The following AURKB variants were observed in gnomAD, a reference collection of about 807,000 sequenced individuals.
AURKB encodes the protein aurora kinase B.
Under a neutral mutation model 36.5 loss-of-function variants are expected in AURKB, and 28 were observed. The ratio of observed to expected loss-of-function variants is 0.77; its 90% confidence interval spans 0.57 to 1.05. The LOEUF is 1.05. AURKB is among the 50% of genes least tolerant of loss of function. AURKB has a pLI of 0.00. For synonymous variants in AURKB, 175 were observed against 172.9 expected (o/e 1.01, Z -0.09); for missense variants, 383 against 447.4 (o/e 0.86, Z 1.30).
chr17:8,208,582 C>T (rs1446128936), intron 2 of AURKB, among the ~76,000 whole-genome samples: 1 of 143,416 alleles, frequency 7.0e-6, no homozygotes, highest in Non-Finnish European at 1.5e-5. Flanking sequence ...CACAGTGAGG[C>T]TCCGTCTCAA....
Position 8,206,647 on chromosome 17 carries a change from G to C in AURKB, c.538-8C>G, listed in dbSNP as rs144397670. On this transcript the variant is annotated splice_region_variant and splice_polypyrimidine_tract_variant and intron_variant, in intron 6 of 8. Coordinates refer to ENST00000585124, the MANE Select transcript of AURKB (RefSeq NM_004217.4). This position sits in a 1 kb window ranked among gnomAD's most constrained non-coding sequence, Gnocchi z 4.2. The stretch of plus-strand genomic sequence containing the variant: ...TGCCAACTCCTCCATGATCTGGGAG[G>C]GGCAACGACAGGCAATCAGACAAGG... 6.2e-7 allele frequency: 1 copy of C among 1,613,990 alleles called. No individual in the cohort carries two copies. The highest frequency in any genetic ancestry group is 8.5e-7 in the Non-Finnish European group (1 of 1,180,036).
intron 7 of AURKB, among the ~76,000 whole-genome samples, chr17:8,205,617 T>G (rs1985151452): frequency 6.6e-6 from 1 of 152,150 alleles, no homozygotes; most frequent in South Asian, 2.1e-4. Context: ...TATATCTTAA[T>G]AAGATACCCT....
In AURKB at chr17:8,207,297, A is replaced by G; in HGVS notation, c.277T>C (p.Leu93=). The G allele has an allele frequency of 6.2e-7, 1 of 1,614,184 alleles. No individual in the cohort carries two copies. The highest frequency in any genetic ancestry group is 8.5e-7 in the Non-Finnish European group (1 of 1,180,034). ...LGKGKFGNVY[L]AREKKSHFIV... ...AAATGGCTTTTCTTCTCCCGAGCCA[A>G]GTACACGTTTCCAAACTTGCCTTTG... Residue 93 remains leucine (L), a synonymous_variant, in exon 5 of 9, where the codon TTG becomes CTG. Transcript: ENST00000585124.
rs1376766144 is a variant in AURKB at position 8,207,207 on chromosome 17, G to A, written c.367C>T (p.Arg123Cys). 3.7e-6 allele frequency: 6 copies of A among 1,614,064 alleles called. No homozygotes were observed. Among genetic ancestry groups the A allele is most frequent in the Non-Finnish European group, 2.5e-6 (3 of 1,179,964 alleles). Residue 123 changes from arginine to cysteine, a missense_variant, in exon 5 of 9, where the codon CGC becomes TGC. Physicochemically the swap from Arg to Cys is radical, Grantham distance 180. Transcript: ENST00000585124. ...IEKEGVEHQL[R>C]REIEIQAHLH... ...TGGGCCTGGATTTCGATCTCTCTGC[G>A]CAGCTGATGCTCCACGCCCTCCTTC... is the stretch of plus-strand genomic sequence containing the variant.
intron 8 of AURKB, 23 bp from the exon 9 acceptor site, chr17:8,205,067 G>A (rs2151465780): frequency 6.4e-7 from 1 of 1,569,888 alleles, no homozygotes; most frequent in Non-Finnish European, 8.6e-7. Flanking sequence ...AGAGATGGAA[G>A]GGCTGCATTA....
Position 8,206,742 on chromosome 17 carries a change from G to A in AURKB, c.537+8C>T, listed in dbSNP as rs771962527. ...CTACTGGCGCCCCAGGTGCCCACCC[G>A]CCCGGACCGTGGCTGTTCGCTGCTC... On this transcript the variant is annotated splice_region_variant and intron_variant, in intron 6 of 8. Coordinates refer to ENST00000585124, the MANE Select transcript of AURKB (RefSeq NM_004217.4). This position sits in a 1 kb window ranked among gnomAD's most constrained non-coding sequence, Gnocchi z 4.2. 16 of 1,613,108 alleles carry A rather than the reference G, an allele frequency of 9.9e-6. No individual in the cohort carries two copies. Among genetic ancestry groups the A allele is most frequent in the Non-Finnish European group, 1.4e-5 (16 of 1,179,452 alleles).
At chr17:8,208,879 T>G (rs780626851) in intron 2 of AURKB, among the ~76,000 whole-genome samples, 10 of 152,210 alleles carry the variant, frequency 6.6e-5, no homozygotes, top group Non-Finnish European at 1.0e-4. Context: ...CCTAAAAAGC[T>G]TAGTTTATTA....
At chr17:8,208,632 A>T (rs139696473) in intron 2 of AURKB, among the ~76,000 whole-genome samples, 61 of 137,918 alleles carry the variant, frequency 4.4e-4, no homozygotes, top group Non-Finnish European at 6.5e-4. Context: ...AAATAAATAA[A>T]AAATAAATAA....
At chr17:8,210,134 A>C (rs775440600) in intron 2 of AURKB, 43 bp downstream of exon 2, 1 of 1,609,920 alleles carries the variant, frequency 6.2e-7, no homozygotes, top group Non-Finnish European at 8.5e-7. Flanking sequence ...GGAACTCGCC[A>C]TGCGGGGTCA....
chr17:8,206,358 T>G lies in AURKB; in HGVS notation c.686+133A>C. 9.1e-7 allele frequency: 1 copy of G among 1,093,482 alleles called. No homozygotes were observed. Among genetic ancestry groups the G allele is most frequent in the Non-Finnish European group, 1.3e-6 (1 of 778,350 alleles). The allele number at this position is 1,093,482 out of a possible 1,614,324, so 67.7% of individuals were successfully genotyped here. Reference sequence around the variant, plus strand: ...GTTGGCAAATCTAGTCTCGAACTCCTGACCTCAGGTGATCCGCCCTCCTCG... The same window carrying G: ...GTTGGCAAATCTAGTCTCGAACTCCGGACCTCAGGTGATCCGCCCTCCTCG... On this transcript the variant is annotated intron_variant, in intron 7 of 8. Coordinates refer to ENST00000585124, the MANE Select transcript of AURKB (RefSeq NM_004217.4). This position sits in a 1 kb window ranked among gnomAD's most constrained non-coding sequence, Gnocchi z 4.2.
rs1016182187 is a variant in AURKB at position 8,204,800 on chromosome 17, A to C, written c.*71T>G. 2.8e-5 allele frequency: 43 copies of C among 1,556,582 alleles called. No homozygotes were observed. The South Asian group carries it at 4.1e-4, about 15-fold the overall frequency. ...GTAGAAAACAGATAAGGGAACAGTT[A>C]GGGATCCCTTCTTTCCCCTATACAT... On this transcript the variant is annotated 3_prime_UTR_variant, in exon 9 of 9. Transcript: ENST00000585124.
intron 4 of AURKB, 61 bp downstream of exon 4, chr17:8,207,510 C>T (rs553401852): frequency 2.7e-5 from 43 of 1,591,764 alleles, no homozygotes; most frequent in East Asian, 2.5e-4. Flanking sequence ...TTTATCTCCC[C>T]GACTTCCTGC....
chr17:8,210,177 C>G lies in AURKB; in HGVS notation c.48G>C (p.Thr16=). 2 of 1,612,650 alleles carry G rather than the reference C, an allele frequency of 1.2e-6. No homozygotes were observed. The highest frequency in any genetic ancestry group is 1.7e-6 in the Non-Finnish European group (2 of 1,179,716). ...GCAGGGACGGAGGGAAGGGCCTTAC[C>G]GTCTGTCGGCCGTAGGGCCAGGGGT... ...NSYPWPYGRQ[T]APSGLSTLPQ... The change falls in exon 2 of 9, where the codon ACG becomes ACC. Residue 16 remains threonine (T), a splice_region_variant and synonymous_variant. Transcript: ENST00000585124.
Position 8,204,856 on chromosome 17 carries a change from G to A in AURKB, c.*15C>T, listed in dbSNP as rs375178340. 9.9e-6 allele frequency: 16 copies of A among 1,611,848 alleles called. 1 individual carries two copies. Among genetic ancestry groups the A allele is most frequent in the Non-Finnish European group, 6.8e-6 (8 of 1,179,466 alleles). On this transcript the variant is annotated 3_prime_UTR_variant, in exon 9 of 9. Transcript: ENST00000585124. ...GACATACAAACACACGCACCCGAGT[G>A]AATGACAGGGACCATCAGGCGACAG... is the stretch of plus-strand genomic sequence containing the variant.
intron 4 of AURKB, 46 bp downstream of exon 4, chr17:8,207,525 T>C (rs1985492945): frequency 6.2e-7 from 1 of 1,601,752 alleles, no homozygotes; most frequent in Non-Finnish European, 8.5e-7. Context: ...TCCTGCCTGT[T>C]CATTGTCCCC....
At position 8,205,051 on chromosome 17, in the gene AURKB, G is replaced by A. The variant is rs756119378; in HGVS notation, c.862-7C>T. On this transcript the variant is annotated splice_polypyrimidine_tract_variant and splice_region_variant and intron_variant, in intron 8 of 8. Coordinates refer to ENST00000585124, the MANE Select transcript of AURKB (RefSeq NM_004217.4). ...CGGGGAACTTTAGGTCCACCTGCAGGTGTGAAGAGATGGAAGGGCTGCATT... is the reference window on the plus strand; with the variant it reads ...CGGGGAACTTTAGGTCCACCTGCAGATGTGAAGAGATGGAAGGGCTGCATT... 3.2e-6 allele frequency: 5 copies of A among 1,580,000 alleles called. No homozygotes were observed. Among genetic ancestry groups the A allele is most frequent in the South Asian group, 2.3e-5 (2 of 88,228 alleles).
At chr17:8,210,324 C>T (rs1173801829) in intron 1 of AURKB, 75 bp from the exon 2 acceptor site, 4 of 1,158,084 alleles carry the variant, frequency 3.5e-6, no homozygotes, top group Non-Finnish European at 5.0e-6. Context: ...CCGATCGAGC[C>T]GGAAGCGCTA....
At chr17:8,207,668 T>C in intron 3 of AURKB, 43 bp from the exon 4 acceptor site, 4 of 1,611,424 alleles carry the variant, frequency 2.5e-6, no homozygotes, top group Non-Finnish European at 3.4e-6. Flanking sequence ...AGGGATGACC[T>C]TCTCATCCCT....
At chr17:8,208,184 T>C in intron 2 of AURKB, 1 of 180,432 alleles carries the variant, frequency 5.5e-6, no homozygotes, top group Non-Finnish European at 1.2e-5. Flanking sequence ...CCCAGCACTT[T>C]GGAAGGCCGA....
Sources: allele counts gnomAD v4.1 joint callset (sites outside exome capture counted in the v4.1 genomes callset), GRCh38; gene constraint gnomAD v4.1.1; non-coding constraint Gnocchi (gnomAD v3.1); transcripts MANE v1.5; gene names NCBI Gene and HGNC (gene_info 2026-07-23, HGNC 2026-07-21).